Variants in NRG3 observed in about 807,000 individuals in gnomAD.
NRG3 encodes the protein neuregulin 3.
In NRG3, 31 loss-of-function variants were observed where a neutral mutation model predicts 66.9. That is an observed-to-expected ratio of 0.46 (90% CI 0.35 to 0.63). The LOEUF (loss-of-function observed/expected upper bound fraction) is 0.63. NRG3 is among the 20% of genes least tolerant of loss of function. NRG3 has a pLI of 0.00. For missense variants in NRG3, 910 were observed against 878.9 expected, an observed-to-expected ratio of 1.04 and a Z score of -0.45; for synonymous variants, 393 against 359.4, an observed-to-expected ratio of 1.09 and a Z score of -1.06.
intron 1 of NRG3, among the ~76,000 whole-genome samples, chr10:82,342,903 T>C (rs1020986477): frequency 4.6e-5 from 7 of 152,170 alleles, no homozygotes; most frequent in Non-Finnish European, 2.9e-5. Context: ...GTTTCAAGTT[T>C]TACATTTCAG....
In NRG3 at chr10:82,362,549, T is replaced by TA. The variant is rs2084243214; in HGVS notation, c.953+3681_953+3682insA. Among the ~76,000 whole-genome samples, 3 of 11,986 alleles carry TA rather than the reference T, an allele frequency of 2.5e-4. No homozygotes were observed. In the South Asian group the frequency reaches 6.2e-3, roughly 25 times the overall value. 7.9% of individuals were successfully genotyped at this position (11,986 alleles called of 152,430 possible). A position where few individuals can be genotyped will look rare whatever the true frequency, so the allele number is the denominator to read the frequency against. ...CCACCATGCCCAGATAATTTCTGGG[T>TA]TTTTTTTTTTTTTTTTTTTTCGTAG... On this transcript the variant is annotated intron_variant, in intron 2 of 8. Transcript: ENST00000372141.
At chr10:82,239,920 A>T (rs1421651434) in intron 1 of NRG3, among the ~76,000 whole-genome samples, 1 of 152,166 alleles carries the variant, frequency 6.6e-6, no homozygotes, top group African/African-American at 2.4e-5. Flanking sequence ...ACTTATTTTT[A>T]ACTTCTAGAG....
At chr10:82,470,715 A>C (rs1841169959) in intron 2 of NRG3, among the ~76,000 whole-genome samples, 1 of 152,218 alleles carries the variant, frequency 6.6e-6, no homozygotes, top group Non-Finnish European at 1.5e-5. Context: ...ATTTGCTGTT[A>C]GCTCCAGCTC....
chr10:82,624,590 A>T (rs2049278772), intron 2 of NRG3, among the ~76,000 whole-genome samples: 1 of 151,926 alleles, frequency 6.6e-6, no homozygotes, highest in Admixed American at 6.6e-5. Flanking sequence ...ATCAATTAAA[A>T]TTGTGTTAAT....
At chr10:82,655,470 A>G (rs2051768190) in intron 2 of NRG3, among the ~76,000 whole-genome samples, 1 of 152,160 alleles carries the variant, frequency 6.6e-6, no homozygotes. Flanking sequence ...GAACATTAAC[A>G]TAATTAGACA....
intron 1 of NRG3, among the ~76,000 whole-genome samples, chr10:82,195,743 AC>A (rs1317439429): frequency 6.6e-6 from 1 of 152,170 alleles, no homozygotes; most frequent in Non-Finnish European, 1.5e-5. Flanking sequence ...ATCCTGCACT[AC>A]CTGGGTAAAA....
chr10:82,289,016 G>A (rs931709308), intron 1 of NRG3, among the ~76,000 whole-genome samples: 1 of 152,178 alleles, frequency 6.6e-6, no homozygotes, highest in Non-Finnish European at 1.5e-5. Context: ...TAGAAGTGCT[G>A]CCACTTCCAT....
intron 4 of NRG3, among the ~76,000 whole-genome samples, chr10:82,918,646 T>C (rs1846114847): frequency 6.6e-6 from 1 of 152,112 alleles, no homozygotes; most frequent in Non-Finnish European, 1.5e-5. Context: ...CAGCTAACCG[T>C]TAAAGATGCC....
At chr10:82,086,326 A>G (rs1476354385) in intron 1 of NRG3, among the ~76,000 whole-genome samples, 1 of 152,144 alleles carries the variant, frequency 6.6e-6, no homozygotes, top group African/African-American at 2.4e-5. Flanking sequence ...TCTAGCTGGA[A>G]GGAGAAGAAA....
At chr10:82,867,599 C>G (rs1256234674) in intron 4 of NRG3, among the ~76,000 whole-genome samples, 1 of 152,170 alleles carries the variant, frequency 6.6e-6, no homozygotes, top group East Asian at 1.9e-4. Context: ...AAAATAAAAA[C>G]AGCTCTTGAG....
At chr10:82,819,164 C>T (rs902740037) in intron 3 of NRG3, among the ~76,000 whole-genome samples, 9 of 152,138 alleles carry the variant, frequency 5.9e-5, no homozygotes, top group Admixed American at 3.9e-4. Flanking sequence ...TAATCATTAA[C>T]GAAGAATTTA....
At chr10:82,847,718 C>T (rs1330665999) in intron 3 of NRG3, among the ~76,000 whole-genome samples, 4 of 152,164 alleles carry the variant, frequency 2.6e-5, no homozygotes, top group African/African-American at 9.7e-5. Context: ...TTATTTAGGG[C>T]ACCGACCATG....
chr10:82,811,604 C>T (rs1378113968), intron 3 of NRG3, among the ~76,000 whole-genome samples: 1 of 152,208 alleles, frequency 6.6e-6, no homozygotes, highest in East Asian at 1.9e-4. Context: ...TTGGGCTGCA[C>T]ATGCCGAGGT....
At chr10:82,643,749 C>CT (rs1242563486) in intron 2 of NRG3, among the ~76,000 whole-genome samples, 2 of 152,022 alleles carry the variant, frequency 1.3e-5, no homozygotes, top group African/African-American at 2.4e-5. Flanking sequence ...TTCAAGTACA[C>CT]TGTGTATGCT....
chr10:82,432,123 G>A (rs1379458607), intron 2 of NRG3, among the ~76,000 whole-genome samples: 2 of 152,146 alleles, frequency 1.3e-5, no homozygotes, highest in Non-Finnish European at 2.9e-5. Flanking sequence ...TCAAATGTTT[G>A]TGCCAATTTA....
chr10:81,972,625 A>T (rs992380794), intron 1 of NRG3, among the ~76,000 whole-genome samples: 1 of 152,180 alleles, frequency 6.6e-6, no homozygotes, highest in Non-Finnish European at 1.5e-5. Flanking sequence ...TAAAACTAAT[A>T]GAAACTATCA....
Position 82,403,767 on chromosome 10 carries a change from G to T in NRG3, c.953+44899G>T, listed in dbSNP as rs369473000. Among the ~76,000 whole-genome samples the T allele has an allele frequency of 5.3e-5, 8 of 152,086 alleles. No homozygotes were observed. In the South Asian group the frequency reaches 6.2e-4, roughly 12 times the overall value. On this transcript the variant is annotated intron_variant, in intron 2 of 8. Transcript: ENST00000372141. ...AATAGAGGGACAATGGCAGAGAGGG[G>T]TATGAACTCTCCTTTATCAGACCTG...
At chr10:82,596,394 C>T (rs553474818) in intron 2 of NRG3, among the ~76,000 whole-genome samples, 18 of 152,254 alleles carry the variant, frequency 1.2e-4, no homozygotes, top group African/African-American at 3.6e-4. Flanking sequence ...TAATGAGGCA[C>T]GCATGTGAGA....
At chr10:82,368,719 A>T (rs935243694) in intron 2 of NRG3, among the ~76,000 whole-genome samples, 1 of 138,502 alleles carries the variant, frequency 7.2e-6, no homozygotes, top group Non-Finnish European at 1.5e-5. Context: ...CCCAGATAAA[A>T]TTATATAGTT....
Sources: allele counts gnomAD v4.1 joint callset (sites outside exome capture counted in the v4.1 genomes callset), GRCh38; gene constraint gnomAD v4.1.1; transcripts MANE v1.5; gene names NCBI Gene and HGNC (gene_info 2026-07-23, HGNC 2026-07-21).